Variants in BCL2L13 observed in about 807,000 individuals in gnomAD.
The protein encoded by BCL2L13 is bcl-2-like protein 13.
In BCL2L13, 13 loss-of-function variants were observed where a neutral mutation model predicts 25.8. The ratio of observed to expected loss-of-function variants is 0.50; its 90% CI spans 0.33 to 0.80. BCL2L13 has a LOEUF of 0.80. Among genes scored for constraint, BCL2L13 ranks in the 30% least tolerant of loss-of-function variants. The probability of loss-of-function intolerance (pLI) is 0.02; values close to 1 mark genes in which losing one functional copy is unlikely to be tolerated. For missense variants in BCL2L13, 504 were observed against 574.9 expected (o/e 0.88, Z 1.26); for synonymous variants, 244 against 230.3 (o/e 1.06, Z -0.54).
intron 2 of BCL2L13, among the ~76,000 whole-genome samples, chr22:17,678,078 A>C (rs1208936572): frequency 6.6e-6 from 1 of 152,088 alleles, no homozygotes; most frequent in Non-Finnish European, 1.5e-5. Flanking sequence ...GCTGAAGTGC[A>C]GTGGTGCAGT....
At chr22:17,638,289 T>A (rs1345705073), upstream of BCL2L13, 1 of 168,212 alleles carries the variant, frequency 5.9e-6, no homozygotes, top group Non-Finnish European at 1.3e-5. Context: ...AGGACCTCTC[T>A]ACACCACCCC....
At chr22:17,685,687 G>A (rs2059905824) in intron 3 of BCL2L13, among the ~76,000 whole-genome samples, 1 of 142,644 alleles carries the variant, frequency 7.0e-6, no homozygotes, top group South Asian at 2.5e-4. Flanking sequence ...TTACTATTAT[G>A]TATAATGCTG....
intron 3 of BCL2L13, among the ~76,000 whole-genome samples, chr22:17,685,118 C>T (rs2059886006): frequency 6.6e-6 from 1 of 152,146 alleles, no homozygotes; most frequent in Non-Finnish European, 1.5e-5. Context: ...AGGTGATCCG[C>T]CCACCTCGGT....
At chr22:17,672,548 C>T (rs2059447501) in intron 2 of BCL2L13, among the ~76,000 whole-genome samples, 1 of 152,176 alleles carries the variant, frequency 6.6e-6, no homozygotes, top group African/African-American at 2.4e-5. Context: ...GCATTGGCCC[C>T]ACTGCGTAGC....
chr22:17,675,498 T>C (rs2059551861), intron 2 of BCL2L13, among the ~76,000 whole-genome samples: 1 of 152,208 alleles, frequency 6.6e-6, no homozygotes, highest in Admixed American at 6.5e-5. Context: ...GGCTAACTTT[T>C]TTCAGCCTGG....
At chr22:17,708,271 G>T (rs1412710305) in intron 6 of BCL2L13, among the ~76,000 whole-genome samples, 1 of 150,896 alleles carries the variant, frequency 6.6e-6, no homozygotes, top group Non-Finnish European at 1.5e-5. Flanking sequence ...TAACTCAAAA[G>T]GTACTATATT....
At chr22:17,670,451 C>T (rs1035426328) in intron 2 of BCL2L13, among the ~76,000 whole-genome samples, 1 of 150,308 alleles carries the variant, frequency 6.7e-6, no homozygotes, top group Non-Finnish European at 1.5e-5. Flanking sequence ...CTTGGCTCAC[C>T]GCAACCTCTG....
intron 1 of BCL2L13, among the ~76,000 whole-genome samples, chr22:17,640,959 C>T (rs1306472790): frequency 2.0e-5 from 3 of 151,110 alleles, no homozygotes; most frequent in South Asian, 2.1e-4. Context: ...GACACGATCT[C>T]GGCTCACTGC....
intron 2 of BCL2L13, among the ~76,000 whole-genome samples, chr22:17,658,182 T>C (rs1469382225): frequency 1.3e-5 from 2 of 152,164 alleles, no homozygotes; most frequent in Non-Finnish European, 2.9e-5. Flanking sequence ...AAATAAACTT[T>C]TCACCAGATA....
At chr22:17,714,364 A>G (rs2060853136) in intron 6 of BCL2L13, among the ~76,000 whole-genome samples, 1 of 152,114 alleles carries the variant, frequency 6.6e-6, no homozygotes. Flanking sequence ...AGGCAGGAGA[A>G]TCGCTTGAAC....
chr22:17,647,187 G>A (rs2058525667), intron 1 of BCL2L13, among the ~76,000 whole-genome samples: 1 of 151,228 alleles, frequency 6.6e-6, no homozygotes, highest in South Asian at 2.1e-4. Flanking sequence ...TGTTAGCCAG[G>A]CTGGTTTCGA....
intron 2 of BCL2L13, among the ~76,000 whole-genome samples, chr22:17,679,826 C>T (rs1303049998): frequency 2.0e-5 from 3 of 151,976 alleles, no homozygotes; most frequent in East Asian, 1.9e-4. Flanking sequence ...TTTCTTTGTT[C>T]GTTTTTTCCC....
At chr22:17,704,033 C>T (rs560108996) in intron 6 of BCL2L13, among the ~76,000 whole-genome samples, 1 of 152,298 alleles carries the variant, frequency 6.6e-6, no homozygotes, top group East Asian at 1.9e-4. Context: ...GTATATTACT[C>T]AACTCCAGTA....
intron 3 of BCL2L13, among the ~76,000 whole-genome samples, chr22:17,684,079 A>G (rs1269947093): frequency 2.0e-5 from 3 of 151,966 alleles, no homozygotes; most frequent in Non-Finnish European, 2.9e-5. Flanking sequence ...TCCATAGGTA[A>G]TGCTGCACTG....
chr22:17,721,189 A>G (rs142783858), intron 6 of BCL2L13, among the ~76,000 whole-genome samples: 254 of 151,232 alleles, frequency 1.7e-3, no homozygotes, highest in African/African-American at 4.8e-3. Flanking sequence ...AAATATATAT[A>G]TATTTCCACG....
rs1166792513 is a variant in BCL2L13, at chr22:17,685,760, C to CTTT, written c.229+2466_229+2468dup. Reference sequence around the variant, plus strand: ...TATTGCCCAATAATTTTTTCTTTTTCTTTTTTTTTTTTTTTTTTTTTTTTT... The same window carrying CTTT: ...TATTGCCCAATAATTTTTTCTTTTTCTTTTTTTTTTTTTTTTTTTTTTTTTTTT... On this transcript the variant is annotated intron_variant, in intron 3 of 6. Transcript: ENST00000317582. Among the ~76,000 whole-genome samples, 103 of 60,542 alleles carry CTTT rather than the reference C, an allele frequency of 1.7e-3. 7 individuals carry two copies. Among genetic ancestry groups the CTTT allele is most frequent in the East Asian group, 3.5e-3 (7 of 1,994 alleles). 39.7% of individuals were successfully genotyped at this position (60,542 alleles called of 152,430 possible).
intron 5 of BCL2L13, among the ~76,000 whole-genome samples, chr22:17,699,143 A>G (rs989005646): frequency 6.6e-6 from 1 of 152,222 alleles, no homozygotes; most frequent in African/African-American, 2.4e-5. Context: ...ACTGGGTGAC[A>G]TATAATATCT....
At chr22:17,639,168 C>A (rs1362785063) in intron 1 of BCL2L13, among the ~76,000 whole-genome samples, 8 of 152,240 alleles carry the variant, frequency 5.3e-5, no homozygotes, top group Non-Finnish European at 1.2e-4. Flanking sequence ...CCTGGCTCCA[C>A]GCCGCTGTCC....
At chr22:17,643,787 G>T (rs1006546665) in intron 1 of BCL2L13, among the ~76,000 whole-genome samples, 1 of 151,456 alleles carries the variant, frequency 6.6e-6, no homozygotes, top group African/African-American at 2.4e-5. Context: ...CTAATTTTTT[G>T]TATTTTTAGT....
Sources: allele counts gnomAD v4.1 joint callset (sites outside exome capture counted in the v4.1 genomes callset), GRCh38; gene constraint gnomAD v4.1.1; transcripts MANE v1.5; gene names NCBI Gene and HGNC (gene_info 2026-07-23, HGNC 2026-07-21).